RPIA: variants seen among roughly 807,000 people sequenced by gnomAD.
RPIA encodes ribose 5-phosphate isomerase A, also known as ribose-5-phosphate isomerase.
A neutral mutation model predicts 37.8 loss-of-function variants in RPIA; 29 were observed. The ratio of observed to expected loss-of-function variants is 0.77; its 90% CI spans 0.57 to 1.05. The LOEUF (loss-of-function observed/expected upper bound fraction) is 1.05, where lower values mean the gene tolerates loss of function less well. RPIA is among the 50% of genes least tolerant of loss of function. RPIA has a pLI of 0.00. For synonymous variants in RPIA, 167 were observed against 157.0 expected (o/e 1.06, Z -0.48); for missense variants, 385 against 413.6 (o/e 0.93, Z 0.60).
chr2:88,729,403 T>G (rs1673238178), intron 4 of RPIA, 66 bp downstream of exon 4: 3 of 1,416,890 alleles, frequency 2.1e-6, no homozygotes, highest in Non-Finnish European at 3.0e-6. Context: ...CTGTCACTTG[T>G]TCATGGGCTC....
intron 3 of RPIA, among the ~76,000 whole-genome samples, chr2:88,716,839 TA>T (rs1301415685): frequency 2.0e-5 from 3 of 152,224 alleles, no homozygotes; most frequent in African/African-American, 7.2e-5. Context: ...ACAAAAGGCA[TA>T]CAAATGTGTT....
At chr2:88,738,476 T>C (rs1195210954) in intron 8 of RPIA, among the ~76,000 whole-genome samples, 1 of 152,208 alleles carries the variant, frequency 6.6e-6, no homozygotes, top group African/African-American at 2.4e-5. Flanking sequence ...TCCACATTCA[T>C]TGGATGCATG....
At chr2:88,698,797 C>G (rs1032649825) in intron 2 of RPIA, among the ~76,000 whole-genome samples, 1 of 152,206 alleles carries the variant, frequency 6.6e-6, no homozygotes, top group Admixed American at 6.5e-5. Flanking sequence ...AGGGGAGGAG[C>G]TGACTTAGCT....
rs1267220704 is a variant in RPIA, at chr2:88,713,118, ATATTTTTT to A, written c.402+13056_402+13063del. On this transcript the variant is annotated intron_variant, in intron 3 of 8. Transcript: ENST00000283646. The stretch of plus-strand genomic sequence containing the variant: ...TGTCTGAATATATATATATATATAT[ATATTTTTT>A]TTTTTTTTTTCAAGCTACGAGTAGG... 4.0e-4 allele frequency among the ~76,000 whole-genome samples: 18 copies of A among 45,308 alleles called. No homozygotes were observed. In the South Asian group the frequency reaches 0.011, roughly 27 times the overall value. 29.7% of individuals were successfully genotyped at this position (45,308 alleles called of 152,430 possible).
intron 3 of RPIA, among the ~76,000 whole-genome samples, chr2:88,706,836 C>T (rs931521640): frequency 3.3e-5 from 5 of 152,158 alleles, no homozygotes; most frequent in Non-Finnish European, 7.4e-5. Flanking sequence ...TTTAATATGG[C>T]CTTTCAACTC....
At chr2:88,747,426 A>G (rs1387699022) in intron 8 of RPIA, among the ~76,000 whole-genome samples, 2 of 152,072 alleles carry the variant, frequency 1.3e-5, no homozygotes, top group Non-Finnish European at 2.9e-5. Flanking sequence ...TGGGTTCTTC[A>G]TTTGTATCTG....
intron 3 of RPIA, among the ~76,000 whole-genome samples, chr2:88,713,905 T>C (rs149113360): frequency 1.4e-4 from 21 of 151,136 alleles, no homozygotes; most frequent in Non-Finnish European, 2.2e-4. Context: ...TCTTGTTTTA[T>C]GGTTAATTTT....
At chr2:88,708,749 A>G (rs1304095566) in intron 3 of RPIA, among the ~76,000 whole-genome samples, 2 of 148,242 alleles carry the variant, frequency 1.3e-5, no homozygotes, top group Admixed American at 6.9e-5. Context: ...AATTTTGCCA[A>G]ATGGATTTTT....
In RPIA at chr2:88,699,002, C is replaced by G. The variant is rs185479909; in HGVS notation, c.346+458C>G. On this transcript the variant is annotated intron_variant, in intron 2 of 8. Transcript: ENST00000283646. ...TCATTTCACACTGATTAGGGTGTCT[C>G]TATGCTTAGGAAAGACTCAGGAATT... Among the ~76,000 whole-genome samples the G allele has an allele frequency of 2.0e-5, 3 of 152,314 alleles. No homozygotes were observed. In the East Asian group the frequency reaches 5.8e-4, roughly 29 times the overall value.
At chr2:88,746,099 C>T (rs1673434726) in intron 8 of RPIA, among the ~76,000 whole-genome samples, 1 of 151,498 alleles carries the variant, frequency 6.6e-6, no homozygotes, top group Non-Finnish European at 1.5e-5. Context: ...GTGTATTTTG[C>T]ATTTCTAAAA....
intron 6 of RPIA, 34 bp from the exon 7 acceptor site, chr2:88,736,501 A>G: frequency 6.2e-7 from 1 of 1,613,436 alleles, no homozygotes; most frequent in Middle Eastern, 1.7e-4. Flanking sequence ...GAGCTTATTT[A>G]CTTTTATTGT....
At chr2:88,735,568 A>C (rs940843326) in intron 5 of RPIA, 101 bp from the exon 6 acceptor site, 15 of 1,042,196 alleles carry the variant, frequency 1.4e-5, no homozygotes, top group Non-Finnish European at 2.1e-5. Flanking sequence ...GTTTCTCTTT[A>C]AGTGCCAGGA....
At chr2:88,694,727 G>C (rs1023532662) in intron 1 of RPIA, among the ~76,000 whole-genome samples, 2 of 151,994 alleles carry the variant, frequency 1.3e-5, no homozygotes, top group Admixed American at 6.6e-5. Flanking sequence ...CTTGGAGCTG[G>C]CTGTAAAGAA....
At chr2:88,729,509 C>T (rs1480785909) in intron 4 of RPIA, among the ~76,000 whole-genome samples, 172 bp downstream of exon 4, 2 of 152,156 alleles carry the variant, frequency 1.3e-5, no homozygotes, top group African/African-American at 4.8e-5. Flanking sequence ...TCACAAGTGC[C>T]GAGGTGGTTC....
chr2:88,748,814 G>C (rs1673468157), intron 8 of RPIA, among the ~76,000 whole-genome samples: 1 of 152,040 alleles, frequency 6.6e-6, no homozygotes, highest in South Asian at 2.1e-4. Flanking sequence ...GGGCTCAGGC[G>C]ATTCTCCCAC....
chr2:88,748,524 G>A (rs1206052833), intron 8 of RPIA, among the ~76,000 whole-genome samples: 1 of 152,134 alleles, frequency 6.6e-6, no homozygotes, highest in African/African-American at 2.4e-5. Context: ...CTGTTTCCCT[G>A]CATACCTGGT....
At chr2:88,695,175 G>A (rs1672715342) in intron 1 of RPIA, among the ~76,000 whole-genome samples, 1 of 152,060 alleles carries the variant, frequency 6.6e-6, no homozygotes, top group South Asian at 2.1e-4. Context: ...TTATAAGCTG[G>A]TAAACATGTT....
chr2:88,704,889 A>G (rs1386796843), intron 3 of RPIA, among the ~76,000 whole-genome samples: 2 of 152,214 alleles, frequency 1.3e-5, no homozygotes, highest in Non-Finnish European at 2.9e-5. Context: ...TACAAAATCA[A>G]TGTGCAAAAA....
intron 3 of RPIA, among the ~76,000 whole-genome samples, chr2:88,715,719 G>A (rs563041483): frequency 6.6e-6 from 1 of 152,266 alleles, no homozygotes; most frequent in Admixed American, 6.5e-5. Flanking sequence ...GCTTTCTTTA[G>A]TACTGGCCTA....
Sources: gnomAD v4.1 joint callset for allele counts (sites outside exome capture counted in the v4.1 genomes callset) on GRCh38, gnomAD v4.1.1 for gene constraint, MANE v1.5 for transcripts, NCBI Gene and HGNC (gene_info 2026-07-23, HGNC 2026-07-21) for gene names.